Variants in SYBU observed in about 807,000 individuals in gnomAD.
The protein encoded by SYBU is GOLSYN A protein.
In SYBU, 21 loss-of-function variants were observed where a neutral mutation model predicts 35.9. The ratio of observed to expected loss-of-function variants is 0.58; its 90% CI spans 0.41 to 0.84. SYBU has a LOEUF of 0.84. Among genes scored for constraint, SYBU ranks in the 40% least tolerant of loss-of-function variants. The probability of loss-of-function intolerance (pLI) is 0.00; values close to 1 mark genes in which losing one functional copy is unlikely to be tolerated. For missense variants in SYBU, 768 were observed against 848.2 expected, an observed-to-expected ratio of 0.91 and a Z score of 1.17; for synonymous variants, 319 against 324.3, an observed-to-expected ratio of 0.98 and a Z score of 0.18.
chr8:109,575,347 G>A lies in SYBU; in HGVS notation c.1551C>T (p.Ser517=). ...LQKLQDPCPS[S]LASPDESEPD... is the part of the protein sequence containing the mutation. Reference sequence around the variant, plus strand: ...GTTCAGACTCATCAGGGGACGCCAAGCTCGAGGGACAGGGGTCCTGGAGCT... The same window carrying A: ...GTTCAGACTCATCAGGGGACGCCAAACTCGAGGGACAGGGGTCCTGGAGCT... Residue 517 remains serine (S), a synonymous_variant, in exon 7 of 7, where the codon AGC becomes AGT. Coordinates refer to ENST00000276646, the MANE Select transcript of SYBU (RefSeq NM_001099754.2). 1 of 1,614,168 alleles carries A rather than the reference G, an allele frequency of 6.2e-7. No homozygotes were observed. The highest frequency in any genetic ancestry group is 8.5e-7 in the Non-Finnish European group (1 of 1,180,030).
chr8:109,686,943 C>T (rs144647513), intron 1 of SYBU, among the ~76,000 whole-genome samples: 3 of 152,068 alleles, frequency 2.0e-5, no homozygotes, highest in Non-Finnish European at 2.9e-5. Flanking sequence ...CACATCCCAC[C>T]ATTTTCAGAT....
upstream of SYBU, chr8:109,645,378 T>C (rs1308161000): frequency 6.6e-6 from 3 of 456,030 alleles, no homozygotes; most frequent in African/African-American, 2.0e-5. Flanking sequence ...TTGGAAGGGG[T>C]TGCATCAGAA....
intron 3 of SYBU, among the ~76,000 whole-genome samples, chr8:109,613,582 C>G (rs543692452): frequency 6.6e-6 from 1 of 151,594 alleles, no homozygotes; most frequent in South Asian, 2.1e-4. Context: ...CAAGATAGGA[C>G]AAGTTAGGTA....
At chr8:109,644,363 G>A in intron 1 of SYBU, 1 of 610,574 alleles carries the variant, frequency 1.6e-6, no homozygotes, top group Non-Finnish European at 3.0e-6. Context: ...GATATCAACT[G>A]AAAGCTACAC....
At chr8:109,657,338 T>C (rs972654829) in intron 1 of SYBU, among the ~76,000 whole-genome samples, 1 of 152,156 alleles carries the variant, frequency 6.6e-6, no homozygotes, top group African/African-American at 2.4e-5. Flanking sequence ...AGCAGAAAAT[T>C]CTAAGTTTCT....
chr8:109,651,109 G>A (rs1816116036), intron 1 of SYBU, among the ~76,000 whole-genome samples: 1 of 152,218 alleles, frequency 6.6e-6, no homozygotes, highest in Admixed American at 6.5e-5. Flanking sequence ...CTGACAAACA[G>A]CTGAGGCTGC....
At position 109,644,710 on chromosome 8, in the gene SYBU, G is replaced by T; in HGVS notation, c.-51C>A. ...CGCCGCCGCTGCCGCCGTCCAGGAGGAGGCACCTGCGAGCACGGAGCGAGG... is the reference window on the plus strand; with the variant it reads ...CGCCGCCGCTGCCGCCGTCCAGGAGTAGGCACCTGCGAGCACGGAGCGAGG... On this transcript the variant is annotated 5_prime_UTR_variant, in exon 1 of 7. Coordinates refer to ENST00000276646, the MANE Select transcript of SYBU (RefSeq NM_001099754.2). 6.8e-7 allele frequency: 1 copy of T among 1,473,782 alleles called. No individual in the cohort carries two copies. The highest frequency in any genetic ancestry group is 2.3e-5 in the Admixed American group (1 of 42,912). 91.3% of individuals were successfully genotyped at this position (1,473,782 alleles called of 1,614,324 possible).
chr8:109,677,809 T>G (rs1224465074), intron 1 of SYBU, among the ~76,000 whole-genome samples: 1 of 152,194 alleles, frequency 6.6e-6, no homozygotes, highest in Non-Finnish European at 1.5e-5. Context: ...TGATAAACAT[T>G]GCTGAATAAC....
At chr8:109,650,552 A>G (rs564753539) in intron 1 of SYBU, among the ~76,000 whole-genome samples, 1 of 152,284 alleles carries the variant, frequency 6.6e-6, no homozygotes, top group East Asian at 1.9e-4. Context: ...AGCTGAGGAT[A>G]GTTTTGATTG....
chr8:109,650,492 A>C (rs1393245344), intron 1 of SYBU, among the ~76,000 whole-genome samples: 1 of 152,210 alleles, frequency 6.6e-6, no homozygotes, highest in Non-Finnish European at 1.5e-5. Flanking sequence ...TGGCAGCTAC[A>C]GCAGGGAATG....
At chr8:109,631,159 T>C (rs1393353751) in intron 2 of SYBU, among the ~76,000 whole-genome samples, 2 of 152,064 alleles carry the variant, frequency 1.3e-5, no homozygotes, top group Non-Finnish European at 2.9e-5. Flanking sequence ...AGGATGGCAG[T>C]TGCAAAGAAA....
intron 3 of SYBU, among the ~76,000 whole-genome samples, chr8:109,595,564 C>T (rs1442753022): frequency 6.6e-6 from 1 of 152,164 alleles, no homozygotes; most frequent in African/African-American, 2.4e-5. Flanking sequence ...AGGAGGGACT[C>T]AAGTTAGGTG....
At chr8:109,617,506 C>T (rs1295221212) in intron 3 of SYBU, among the ~76,000 whole-genome samples, 1 of 152,136 alleles carries the variant, frequency 6.6e-6, no homozygotes, top group African/African-American at 2.4e-5. Flanking sequence ...TTCAAAAAGG[C>T]AGTTGAGCTA....
At chr8:109,586,786 A>G (rs1179862613) in intron 3 of SYBU, among the ~76,000 whole-genome samples, 1 of 152,222 alleles carries the variant, frequency 6.6e-6, no homozygotes, top group Admixed American at 6.5e-5. Context: ...AGAACCTGTA[A>G]ATTACACTGA....
intron 1 of SYBU, among the ~76,000 whole-genome samples, chr8:109,666,517 G>C (rs1023187255): frequency 6.6e-6 from 1 of 152,190 alleles, no homozygotes; most frequent in African/African-American, 2.4e-5. Context: ...AAGGCGGGAG[G>C]ATCACTTGAG....
At chr8:109,614,308 T>C (rs565979131) in intron 3 of SYBU, among the ~76,000 whole-genome samples, 5 of 152,348 alleles carry the variant, frequency 3.3e-5, no homozygotes, top group East Asian at 3.9e-4. Context: ...GCACTGTCAT[T>C]TAATGTTCTA....
intron 3 of SYBU, among the ~76,000 whole-genome samples, chr8:109,615,640 A>G (rs1811652364): frequency 6.6e-6 from 1 of 152,208 alleles, no homozygotes; most frequent in African/African-American, 2.4e-5. Context: ...ACCTTGGTTA[A>G]ATATGAATAA....
chr8:109,676,951 G>A (rs1470271513), intron 1 of SYBU, among the ~76,000 whole-genome samples: 3 of 152,098 alleles, frequency 2.0e-5, no homozygotes, highest in Admixed American at 2.0e-4. Flanking sequence ...AATATATGTT[G>A]TGGAAAAATC....
At chr8:109,668,297 T>C (rs1816842063) in intron 1 of SYBU, among the ~76,000 whole-genome samples, 1 of 152,076 alleles carries the variant, frequency 6.6e-6, no homozygotes, top group East Asian at 1.9e-4. Flanking sequence ...CACATCTTAC[T>C]GAACCATTTT....
Sources: allele counts gnomAD v4.1 joint callset (sites outside exome capture counted in the v4.1 genomes callset), GRCh38; gene constraint gnomAD v4.1.1; transcripts MANE v1.5; gene names NCBI Gene and HGNC (gene_info 2026-07-23, HGNC 2026-07-21).